The following MBNL2 variants were observed in gnomAD, a reference collection of about 807,000 sequenced individuals.
MBNL2 encodes muscleblind like splicing regulator 2.
A neutral mutation model predicts 41.9 loss-of-function variants in MBNL2; 17 were observed. The ratio of observed to expected loss-of-function variants is 0.41; its 90% confidence interval spans 0.28 to 0.61. MBNL2 has a LOEUF of 0.61. MBNL2 is among the 20% of genes least tolerant of loss of function. The pLI is 0.35. For missense variants in MBNL2, 336 were observed against 505.6 expected, an observed-to-expected ratio of 0.66 and a Z score of 3.22; for synonymous variants, 195 against 182.9, an observed-to-expected ratio of 1.07 and a Z score of -0.53.
rs575941861 is a variant in MBNL2, at chr13:97,273,964, G to A, written c.-604-1668G>A. 2.0e-4 allele frequency among the ~76,000 whole-genome samples: 30 copies of A among 152,234 alleles called. No homozygotes were observed. The East Asian group carries it at 5.8e-3, about 29-fold the overall frequency. On this transcript the variant is annotated intron_variant, in intron 1 of 8. Coordinates refer to ENST00000679496, the MANE Select transcript of MBNL2 (RefSeq NM_001382683.1). ...TAATCCCAGCTACTCGGGAAGCTGA[G>A]GCAGGAGAATCACTTGAACTCAGGA...
intron 2 of MBNL2, among the ~76,000 whole-genome samples, chr13:97,295,049 T>A (rs2056805916): frequency 6.6e-6 from 1 of 151,910 alleles, no homozygotes; most frequent in African/African-American, 2.4e-5. Flanking sequence ...TGTGAAAAAA[T>A]GGAAATGAAT....
intron 2 of MBNL2, among the ~76,000 whole-genome samples, chr13:97,308,089 C>T (rs1289665842): frequency 6.6e-6 from 1 of 152,218 alleles, no homozygotes; most frequent in Non-Finnish European, 1.5e-5. Flanking sequence ...CCTTGTATCA[C>T]TCATTAAAAT....
intron 7 of MBNL2, among the ~76,000 whole-genome samples, chr13:97,359,297 T>C (rs1339344209): frequency 6.6e-6 from 1 of 151,516 alleles, no homozygotes; most frequent in Non-Finnish European, 1.5e-5. Flanking sequence ...TAAGGAAGAA[T>C]ATACTGAGGG....
upstream of MBNL2, among the ~76,000 whole-genome samples, chr13:97,220,640 G>A (rs1459228155): frequency 6.6e-6 from 1 of 152,138 alleles, no homozygotes; most frequent in African/African-American, 2.4e-5. Flanking sequence ...GGCAACAAGG[G>A]AGCTTGAAGA....
intron 1 of MBNL2, among the ~76,000 whole-genome samples, chr13:97,240,568 C>G (rs1032861421): frequency 6.6e-6 from 1 of 152,182 alleles, no homozygotes; most frequent in Non-Finnish European, 1.5e-5. Flanking sequence ...GGGGCTTTGA[C>G]ATGACTATTT....
At chr13:97,257,502 G>A (rs1238499055) in intron 1 of MBNL2, among the ~76,000 whole-genome samples, 4 of 152,184 alleles carry the variant, frequency 2.6e-5, no homozygotes, top group Non-Finnish European at 5.9e-5. Flanking sequence ...ACAGGCCAGT[G>A]GACCTGGGAG....
intron 1 of MBNL2, among the ~76,000 whole-genome samples, chr13:97,262,451 C>G (rs184769846): frequency 3.4e-4 from 51 of 152,168 alleles, no homozygotes; most frequent in Non-Finnish European, 2.2e-4. Flanking sequence ...GATCTTTTGT[C>G]GCTTTCTTTT....
intron 2 of MBNL2, among the ~76,000 whole-genome samples, chr13:97,329,749 A>C (rs1311701193): frequency 2.6e-5 from 2 of 78,208 alleles, no homozygotes; most frequent in Non-Finnish European, 5.3e-5. Flanking sequence ...TACACCATAC[A>C]TACTACACAC....
upstream of MBNL2, among the ~76,000 whole-genome samples, chr13:97,217,403 A>G (rs2040472363): frequency 1.3e-5 from 2 of 152,210 alleles, no homozygotes; most frequent in Non-Finnish European, 2.9e-5. Flanking sequence ...CAAGCAAGAC[A>G]TGTTTACTAT....
At chr13:97,294,954 AAAC>A (rs1412896844) in intron 2 of MBNL2, among the ~76,000 whole-genome samples, 1 of 152,210 alleles carries the variant, frequency 6.6e-6, no homozygotes, top group Non-Finnish European at 1.5e-5. Context: ...ACTATAAACA[AAAC>A]AACAACTGCC....
chr13:97,208,537 G>C, the MBNL2 span, among the ~76,000 whole-genome samples: 11 of 152,042 alleles, frequency 7.2e-5, no homozygotes, highest in African/African-American at 2.7e-4. Flanking sequence ...AATCTCCCGG[G>C]GTGTAGAAAC....
intron 1 of MBNL2, among the ~76,000 whole-genome samples, chr13:97,257,088 C>A (rs2152861389): frequency 6.6e-6 from 1 of 152,066 alleles, no homozygotes; most frequent in Non-Finnish European, 1.5e-5. Context: ...TTGGAATATG[C>A]AGAGAGCATG....
intron 1 of MBNL2, among the ~76,000 whole-genome samples, chr13:97,230,661 A>G (rs1367408226): frequency 6.6e-6 from 1 of 152,242 alleles, no homozygotes; most frequent in Non-Finnish European, 1.5e-5. Context: ...AAATACCCAC[A>G]AAGGAGCAAA....
intron 1 of MBNL2, among the ~76,000 whole-genome samples, chr13:97,231,842 C>T (rs1264411971): frequency 1.4e-5 from 2 of 144,912 alleles, no homozygotes; most frequent in Non-Finnish European, 3.0e-5. Context: ...GCATTATAAA[C>T]CGGCCTTAGA....
intron 2 of MBNL2, among the ~76,000 whole-genome samples, chr13:97,333,057 G>A (rs1307301939): frequency 6.6e-6 from 1 of 152,174 alleles, no homozygotes; most frequent in Admixed American, 6.5e-5. Flanking sequence ...GAAGCAGAGT[G>A]AGAACTCCAG....
At chr13:97,188,909 A>G in the MBNL2 span, among the ~76,000 whole-genome samples, 11 of 151,710 alleles carry the variant, frequency 7.3e-5, no homozygotes, top group East Asian at 1.9e-4. Flanking sequence ...GCCCTCTGAA[A>G]CCGCTACACC....
At chr13:97,206,163 G>A in the MBNL2 span, among the ~76,000 whole-genome samples, 2 of 152,160 alleles carry the variant, frequency 1.3e-5, no homozygotes, top group East Asian at 3.9e-4. Context: ...CAGAGAGAAA[G>A]CATTTGACCC....
the MBNL2 span, among the ~76,000 whole-genome samples, chr13:97,163,265 C>T: frequency 9.2e-5 from 14 of 152,054 alleles, no homozygotes; most frequent in African/African-American, 2.4e-4. Context: ...AAGGACAAAT[C>T]GAGGTCCAGA....
chr13:97,194,220 G>T, the MBNL2 span, among the ~76,000 whole-genome samples: 3 of 152,150 alleles, frequency 2.0e-5, no homozygotes, highest in African/African-American at 7.2e-5. Flanking sequence ...TACTTTCAGT[G>T]TCTGCCCCAT....
Sources: allele counts gnomAD v4.1 joint callset (sites outside exome capture counted in the v4.1 genomes callset), GRCh38; gene constraint gnomAD v4.1.1; transcripts MANE v1.5; gene names NCBI Gene and HGNC (gene_info 2026-07-23, HGNC 2026-07-21).